The following SPTBN2 variants were observed in gnomAD, a reference collection of about 807,000 sequenced individuals.
SPTBN2 encodes spectrin beta, non-erythrocytic 2, also known as spectrin beta chain, non-erythrocytic 2.
Under a neutral mutation model 284.2 loss-of-function variants are expected in SPTBN2, and 107 were observed. The observed-to-expected ratio is 0.38, with a 90% CI of 0.32 to 0.44. The LOEUF (loss-of-function observed/expected upper bound fraction) is 0.44. Ranked by LOEUF, SPTBN2 falls within the 20% of genes least tolerant of loss-of-function variation. The probability of loss-of-function intolerance (pLI) is 1.00; values close to 1 mark genes in which losing one functional copy is unlikely to be tolerated. For synonymous variants in SPTBN2, 1,289 were observed against 1,354.8 expected, an observed-to-expected ratio of 0.95 and a Z score of 1.07; for missense variants, 2,569 against 3,287.1, an observed-to-expected ratio of 0.78 and a Z score of 5.34.
chr11:66,742,613 A>ATTT (rs879285801), intron 1 of SPTBN2, among the ~76,000 whole-genome samples: 1 of 143,480 alleles, frequency 7.0e-6, no homozygotes, highest in Non-Finnish European at 1.5e-5. Flanking sequence ...CACAATGATA[A>ATTT]TTTTTTTTTT....
At position 66,692,743 on chromosome 11, in the gene SPTBN2, G is replaced by A. The variant is rs763710370; in HGVS notation, c.4986-3C>T. On this transcript the variant is annotated splice_region_variant and splice_polypyrimidine_tract_variant and intron_variant, in intron 25 of 37. Coordinates refer to ENST00000533211, the MANE Select transcript of SPTBN2 (RefSeq NM_006946.4). Reference sequence around the variant, plus strand: ...CTTGGCGGATGGATATCCGAGTGCTGCAAGAAGAGTGAGGGAGGCACTGTG... The same window carrying A: ...CTTGGCGGATGGATATCCGAGTGCTACAAGAAGAGTGAGGGAGGCACTGTG... 3.7e-6 allele frequency: 6 copies of A among 1,601,100 alleles called. No homozygotes were observed. Among genetic ancestry groups the A allele is most frequent in the Middle Eastern group, 1.6e-4 (1 of 6,062 alleles).
At chr11:66,709,251 C>T (rs749626699) in intron 10 of SPTBN2, among the ~76,000 whole-genome samples, 6 of 152,186 alleles carry the variant, frequency 3.9e-5, no homozygotes, top group Non-Finnish European at 8.8e-5. Flanking sequence ...GATCTGGGTT[C>T]GCTGCAACCT....
In SPTBN2 at chr11:66,729,049, G is replaced by C. The variant is rs1223670852; in HGVS notation, c.-422C>G. ...CTCAGCTCCTCTCATTTATCAACCA[G>C]GAGAATTCCGGCCTAGTCACCGTCT... is the stretch of plus-strand genomic sequence containing the variant. On this transcript the variant is annotated 5_prime_UTR_variant, in exon 1 of 38. Coordinates refer to ENST00000533211, the MANE Select transcript of SPTBN2 (RefSeq NM_006946.4). 1 of 151,446 alleles carries C rather than the reference G, an allele frequency of 6.6e-6. No individual in the cohort carries two copies. Among genetic ancestry groups the C allele is most frequent in the Non-Finnish European group, 1.5e-5 (1 of 67,976 alleles). 9.4% of individuals were successfully genotyped at this position (151,446 alleles called of 1,614,324 possible).
Position 66,715,333 on chromosome 11 carries a change from C to G in SPTBN2, c.372G>C (p.Gln124His). 2 of 1,614,248 alleles carry G rather than the reference C, an allele frequency of 1.2e-6. No homozygotes were observed. Among genetic ancestry groups the G allele is most frequent in the South Asian group, 1.1e-5 (1 of 91,090 alleles). ...HCLENVDKALQFLKEQKVHLE... is the reference protein window; with the variant it reads ...HCLENVDKALHFLKEQKVHLE... ...AGTGCACTTTCTGCTCCTTGAGGAA[C>G]TGCAGTGCCTTGTCCACGTTCTCCA... The change falls in exon 5 of 38, where the codon CAG (glutamine) becomes CAC (histidine). Residue 124 changes from glutamine (Q) to histidine (H), a missense_variant. Gln to His is a conservative substitution (Grantham distance 24). Transcript: ENST00000533211. This position sits in a 1 kb window ranked among gnomAD's most constrained non-coding sequence, Gnocchi z 5.3.
In SPTBN2 at chr11:66,687,287, TG is replaced by T; in HGVS notation, c.6723-121del. The T allele has an allele frequency of 1.3e-6, 2 of 1,548,480 alleles. No individual in the cohort carries two copies. Among genetic ancestry groups the T allele is most frequent in the Non-Finnish European group, 1.8e-6 (2 of 1,139,270 alleles). ...TTTAGGCCACGGTCTTCACACCCTC[TG>T]GTCCTCCCCTGAGGCCCCGCTCTGG... On this transcript the variant is annotated intron_variant, in intron 35 of 37. Transcript: ENST00000533211. The surrounding 1 kb of genome is among the most constrained non-coding windows in gnomAD (Gnocchi z 5.2).
intron 15 of SPTBN2, among the ~76,000 whole-genome samples, chr11:66,703,238 C>G (rs925813517): frequency 6.6e-6 from 1 of 151,632 alleles, no homozygotes; most frequent in African/African-American, 2.4e-5. Flanking sequence ...TGCCACCATG[C>G]CTGGCTAATT....
rs903836770 is a variant in SPTBN2 at position 66,684,634 on chromosome 11, C to CA, written c.*1236dup. ...TGGCTGACAGAGTGAGACTCTGTCT[C>CA]AAAAAAAAAAAAAAAAAAGAATATA... On this transcript the variant is annotated 3_prime_UTR_variant, in exon 38 of 38. Coordinates refer to ENST00000533211, the MANE Select transcript of SPTBN2 (RefSeq NM_006946.4). Among the ~76,000 whole-genome samples, 780 of 60,098 alleles carry CA rather than the reference C, an allele frequency of 0.013. 4 individuals carry two copies. Among genetic ancestry groups the CA allele is most frequent in the East Asian group, 0.023 (46 of 1,988 alleles). The allele number at this position is 60,098 out of a possible 152,430, so 39.4% of individuals were successfully genotyped here. A position where few individuals can be genotyped will look rare whatever the true frequency, so the allele number is the denominator to read the frequency against.
At chr11:66,690,566 G>A (rs1305055794) in intron 27 of SPTBN2, among the ~76,000 whole-genome samples, 1 of 152,178 alleles carries the variant, frequency 6.6e-6, no homozygotes, top group Non-Finnish European at 1.5e-5. Flanking sequence ...ATAGACCTTG[G>A]AGATTGCTAG....
chr11:66,715,722 A>T lies in SPTBN2; in HGVS notation c.309+108T>A. 6.8e-7 allele frequency: 1 copy of T among 1,474,590 alleles called. No individual in the cohort carries two copies. The highest frequency in any genetic ancestry group is 9.2e-7 in the Non-Finnish European group (1 of 1,082,304). 91.3% of individuals were successfully genotyped at this position (1,474,590 alleles called of 1,614,324 possible). On this transcript the variant is annotated intron_variant, in intron 4 of 37. Transcript: ENST00000533211. The surrounding 1 kb of genome is among the most constrained non-coding windows in gnomAD (Gnocchi z 5.3). The stretch of plus-strand genomic sequence containing the variant: ...ACCCATCCTCTGAGCAGAGGGAGCC[A>T]CTGCTTCCCGCCCTGTGCCGTCACT...
Position 66,743,009 on chromosome 11 carries a change from ACAT to A in SPTBN2, c.-475+1530_-475+1532del, listed in dbSNP as rs1200777486. The stretch of plus-strand genomic sequence containing the variant: ...TTCTTACAAGATAGTTGAGAGGATG[ACAT>A]CATTTATGTAAAGAGCTAGTGGGGT... On this transcript the variant is annotated intron_variant, in intron 1 of 37. Coordinates refer to the SPTBN2 transcript ENST00000611817. Among the ~76,000 whole-genome samples the A allele has an allele frequency of 6.6e-5, 10 of 152,332 alleles. No homozygotes were observed. In the East Asian group the frequency reaches 1.9e-3, roughly 29 times the overall value.
At chr11:66,696,981 T>C (rs934399548) in intron 20 of SPTBN2, among the ~76,000 whole-genome samples, 1 of 152,040 alleles carries the variant, frequency 6.6e-6, no homozygotes, top group African/African-American at 2.4e-5. Context: ...TCTGGGGTGG[T>C]GAGGGAAGTG....
chr11:66,726,494 G>A (rs1316995379), intron 1 of SPTBN2, among the ~76,000 whole-genome samples: 2 of 152,324 alleles, frequency 1.3e-5, no homozygotes, highest in East Asian at 1.9e-4. Flanking sequence ...AGAAGCAGCT[G>A]GAATTGGTTA....
In SPTBN2 at chr11:66,688,746, G is replaced by A. The variant is rs766058704; in HGVS notation, c.6138C>T (p.Asp2046=). 6 of 1,613,424 alleles carry A rather than the reference G, an allele frequency of 3.7e-6. No individual in the cohort carries two copies. Among genetic ancestry groups the A allele is most frequent in the East Asian group, 2.2e-5 (1 of 44,882 alleles). Reference sequence around the variant, plus strand: ...GCCGCTTGATGAGGCTCTCAACTTCGTCGACCGTGCAACCCAGCTCAGCGC... The same window carrying A: ...GCCGCTTGATGAGGCTCTCAACTTCATCGACCGTGCAACCCAGCTCAGCGC... ...VRSAELGCTV[D]EVESLIKRHE... is the part of the protein sequence containing the mutation. Residue 2046 remains aspartate, a synonymous_variant, in exon 31 of 38, where the codon GAC becomes GAT. Coordinates refer to ENST00000533211, the MANE Select transcript of SPTBN2 (RefSeq NM_006946.4).
In SPTBN2 at chr11:66,698,644, C is replaced by T; in HGVS notation, c.4009G>A (p.Asp1337Asn). The T allele has an allele frequency of 6.2e-7, 1 of 1,614,206 alleles. No individual in the cohort carries two copies. Reference sequence around the variant, plus strand: ...GCCCCCACAGCACTGCTCACCTTGTCCACCTTGTCCAGCCAGTCTTTGTTG... The same window carrying T: ...GCCCCCACAGCACTGCTCACCTTGTTCACCTTGTCCAGCCAGTCTTTGTTG... ...AANKDWLDKV[D>N]KEGRELTLEK... The change falls in exon 20 of 38, where the codon GAC becomes AAC. Residue 1337 changes from aspartate to asparagine, a missense_variant. By Grantham distance (23) the Asp-to-Asn change is conservative. Transcript: ENST00000533211.
In SPTBN2 at chr11:66,722,403, G is replaced by A. The variant is rs182615514; in HGVS notation, c.-113-963C>T. 5.1e-3 allele frequency among the ~76,000 whole-genome samples: 775 copies of A among 151,002 alleles called. 3 individuals carry two copies. Among genetic ancestry groups the A allele is most frequent in the African/African-American group, 0.018 (734 of 41,102 alleles). ...TCCCTGGCTAACACGGTGAAACCCCGTCTCTACTAAAAAATACAAAAAATT... is the reference window on the plus strand; with the variant it reads ...TCCCTGGCTAACACGGTGAAACCCCATCTCTACTAAAAAATACAAAAAATT... On this transcript the variant is annotated intron_variant, in intron 1 of 37. Transcript: ENST00000533211.
At chr11:66,706,268 A>C (rs1241439717) in intron 13 of SPTBN2, among the ~76,000 whole-genome samples, 2 of 152,170 alleles carry the variant, frequency 1.3e-5, no homozygotes, top group African/African-American at 2.4e-5. Context: ...AGCCAAAGTG[A>C]CTTTTTTACA....
In SPTBN2 at chr11:66,686,142, CTG is replaced by C. The variant is rs754221142; in HGVS notation, c.6940-40_6940-39del. 8.2e-6 allele frequency: 13 copies of C among 1,593,002 alleles called. No homozygotes were observed. In the African/African-American group the frequency reaches 1.1e-4, roughly 13 times the overall value. Reference sequence around the variant, plus strand: ...AGACCCTCAATCAGCTTCAAGGACACTGTGCTGAGTTGGCCGCAGTGGACAGC... The same window carrying C: ...AGACCCTCAATCAGCTTCAAGGACACTGCTGAGTTGGCCGCAGTGGACAGC... On this transcript the variant is annotated intron_variant, in intron 37 of 37. Transcript: ENST00000533211.
intron 3 of SPTBN2, 89 bp from the exon 4 acceptor site, chr11:66,716,070 G>C: frequency 6.3e-7 from 1 of 1,576,658 alleles, no homozygotes. Context: ...GGATGGAGAA[G>C]CCTGAGAGAT....
In SPTBN2 at chr11:66,688,043, G is replaced by A. The variant is rs1172101537; in HGVS notation, c.6411C>T (p.Pro2137=). Residue 2137 remains proline (P), a synonymous_variant, in exon 33 of 38, where the codon CCC becomes CCT. Coordinates refer to ENST00000533211, the MANE Select transcript of SPTBN2 (RefSeq NM_006946.4). ...QPRPPPSTQA[P]SVNGVCTDGE... Reference sequence around the variant, plus strand: ...CATCTGTGCAGACTCCATTAACACTGGGTGCTTGTGTGGATGGTGGTGGCC... The same window carrying A: ...CATCTGTGCAGACTCCATTAACACTAGGTGCTTGTGTGGATGGTGGTGGCC... 6.2e-7 allele frequency: 1 copy of A among 1,614,204 alleles called. No homozygotes were observed. Among genetic ancestry groups the A allele is most frequent in the Non-Finnish European group, 8.5e-7 (1 of 1,180,034 alleles).
Sources: allele counts gnomAD v4.1 joint callset (sites outside exome capture counted in the v4.1 genomes callset), GRCh38; gene constraint gnomAD v4.1.1; non-coding constraint Gnocchi (gnomAD v3.1); transcripts MANE v1.5; gene names NCBI Gene and HGNC (gene_info 2026-07-23, HGNC 2026-07-21).